The following ARL9 variants were observed in gnomAD, a reference collection of about 807,000 sequenced individuals.
ARL9 encodes the protein ADP-ribosylation factor-like protein 9.
Under a neutral mutation model 27.0 loss-of-function variants are expected in ARL9, and 14 were observed. The observed-to-expected ratio is 0.52, with a 90% CI of 0.34 to 0.81. The LOEUF is 0.81. Ranked by LOEUF, ARL9 falls within the 30% of genes least tolerant of loss-of-function variation. The pLI is 0.01. For missense variants in ARL9, 294 were observed against 290.0 expected (o/e 1.01, Z -0.10); for synonymous variants, 106 against 108.7 (o/e 0.98, Z 0.15).
At chr4:56,521,737 T>G (rs1396360125) in intron 3 of ARL9, among the ~76,000 whole-genome samples, 1 of 152,248 alleles carries the variant, frequency 6.6e-6, no homozygotes, top group Non-Finnish European at 1.5e-5. Context: ...TGAACATTTT[T>G]TCAGATGTTT....
At chr4:56,519,554 G>A (rs182171866) in intron 3 of ARL9, among the ~76,000 whole-genome samples, 213 of 151,850 alleles carry the variant, frequency 1.4e-3, no homozygotes, top group African/African-American at 4.2e-3. Context: ...AGATTGCAGC[G>A]AACCAAGATC....
chr4:56,514,058 C>G (rs1189335736), intron 2 of ARL9, among the ~76,000 whole-genome samples: 1 of 152,122 alleles, frequency 6.6e-6, no homozygotes, highest in Non-Finnish European at 1.5e-5. Flanking sequence ...GTAGTCCCAG[C>G]TACTCTGGAG....
chr4:56,512,210 T>A (rs1052622270), intron 2 of ARL9, among the ~76,000 whole-genome samples: 4 of 152,264 alleles, frequency 2.6e-5, no homozygotes, highest in Non-Finnish European at 4.4e-5. Flanking sequence ...GTCACCTTTT[T>A]ACTTTGGCTT....
At chr4:56,521,540 G>A (rs4391105) in intron 3 of ARL9, among the ~76,000 whole-genome samples, 20,940 of 152,036 alleles carry the variant, frequency 0.14, 1,879 homozygotes, top group East Asian at 0.24. Context: ...GTTTTATTAG[G>A]TATCACCAAG....
chr4:56,514,328 G>C (rs951172546), intron 2 of ARL9, among the ~76,000 whole-genome samples: 1 of 152,188 alleles, frequency 6.6e-6, no homozygotes, highest in African/African-American at 2.4e-5. Context: ...AAAGAGGGTA[G>C]AGGGGGAGAT....
At position 56,524,367 on chromosome 4, in the gene ARL9, G is replaced by A. The variant is rs2110159460; in HGVS notation, c.*491G>A. 1 of 152,734 alleles carries A rather than the reference G, an allele frequency of 6.5e-6. No homozygotes were observed. Among genetic ancestry groups the A allele is most frequent in the South Asian group, 2.1e-4 (1 of 4,830 alleles). 9.5% of individuals were successfully genotyped at this position (152,734 alleles called of 1,614,324 possible). A position where few individuals can be genotyped will look rare whatever the true frequency, so the allele number is the denominator to read the frequency against. ...TAACATAATAACAGCATCTCTATTT[G>A]GATTTTGAATGTTAAAAATATTTGT... On this transcript the variant is annotated 3_prime_UTR_variant, in exon 4 of 4. Coordinates refer to ENST00000640821, the MANE Select transcript of ARL9 (RefSeq NM_001363794.2).
chr4:56,509,021 G>A (rs963519878), intron 1 of ARL9, among the ~76,000 whole-genome samples: 4 of 152,052 alleles, frequency 2.6e-5, no homozygotes, highest in African/African-American at 7.2e-5. Context: ...ATTCCTATGA[G>A]CAGTCTGGCT....
In ARL9 at chr4:56,511,278, G is replaced by A. The variant is rs1359448791; in HGVS notation, c.373G>A (p.Val125Met). The A allele has an allele frequency of 6.2e-7, 1 of 1,613,892 alleles. No individual in the cohort carries two copies. The highest frequency in any genetic ancestry group is 8.5e-7 in the Non-Finnish European group (1 of 1,179,834). The change falls in exon 2 of 4, where the codon GTG becomes ATG. Residue 125 changes from valine to methionine, a missense_variant. Transcript: ENST00000640821. Reference protein sequence around the residue: ...SLASNRVQHSVAPTQGFHAVC... With the variant: ...SLASNRVQHSMAPTQGFHAVC... ...AGCTTCAAACAGAGTCCAGCACAGT[G>A]TGGCACCCACCCAAGGTTTCCATGC...
chr4:56,507,110 T>C (rs1377428636), intron 1 of ARL9, among the ~76,000 whole-genome samples: 1 of 151,826 alleles, frequency 6.6e-6, no homozygotes, highest in Non-Finnish European at 1.5e-5. Context: ...ATTTGATCTC[T>C]GGTAAAACAC....
intron 1 of ARL9, among the ~76,000 whole-genome samples, chr4:56,510,141 C>T (rs1050618490): frequency 2.0e-5 from 3 of 151,414 alleles, no homozygotes; most frequent in Non-Finnish European, 4.4e-5. Flanking sequence ...GGGCAGATCA[C>T]GAGGTCAGGA....
rs377199252 is a variant in ARL9, at chr4:56,523,678, T to C, written c.619-19T>C. ...AAAATAACCAACTTTGTCCTATTCT[T>C]ATTCCACTCCGGATGAAGGATCTTG... On this transcript the variant is annotated intron_variant, in intron 3 of 3. Transcript: ENST00000640821. The C allele has an allele frequency of 1.7e-5, 28 of 1,601,060 alleles. No individual in the cohort carries two copies. The African/African-American group carries it at 2.7e-4, about 15-fold the overall frequency.
intron 1 of ARL9, among the ~76,000 whole-genome samples, chr4:56,507,869 G>T (rs796479181): frequency 5.3e-5 from 8 of 151,502 alleles, no homozygotes; most frequent in African/African-American, 1.9e-4. Context: ...CCAGCTACTC[G>T]GGAGGCTGAG....
chr4:56,522,703 A>T (rs1721957520), intron 3 of ARL9, among the ~76,000 whole-genome samples: 1 of 152,218 alleles, frequency 6.6e-6, no homozygotes, highest in African/African-American at 2.4e-5. Flanking sequence ...TGCCATTTCC[A>T]TCGTAAGGAG....
intron 1 of ARL9, 64 bp from the exon 2 acceptor site, chr4:56,511,121 C>A: frequency 7.1e-7 from 1 of 1,403,562 alleles, no homozygotes; most frequent in Non-Finnish European, 9.4e-7. Context: ...TTGGATTCTG[C>A]CAAGACCCAG....
chr4:56,508,449 C>G (rs1721530334), intron 1 of ARL9, among the ~76,000 whole-genome samples: 2 of 151,998 alleles, frequency 1.3e-5, no homozygotes, highest in African/African-American at 4.8e-5. Flanking sequence ...ATGGCGCGAT[C>G]TCAGCTCATT....
chr4:56,506,789 TGTGTG>T (rs1560694834), intron 1 of ARL9: 1,959 of 153,290 alleles, frequency 0.013, 80 homozygotes, highest in African/African-American at 0.047. Context: ...AACACAGTTG[TGTGTG>T]TGTGTGTGTG....
upstream of ARL9, chr4:56,505,566 C>A: frequency 1.7e-6 from 1 of 585,738 alleles, no homozygotes; most frequent in Non-Finnish European, 3.2e-6. Flanking sequence ...CGAACTGTCC[C>A]ACGTCCTGGT....
chr4:56,521,883 T>C (rs1721929893), intron 3 of ARL9, among the ~76,000 whole-genome samples: 1 of 152,196 alleles, frequency 6.6e-6, no homozygotes, highest in Non-Finnish European at 1.5e-5. Context: ...TTATGTGCAT[T>C]ACAATTATCT....
At position 56,512,170 on chromosome 4, in the gene ARL9, C is replaced by G. The variant is rs575577621; in HGVS notation, c.442+823C>G. Among the ~76,000 whole-genome samples, 4 of 152,328 alleles carry G rather than the reference C, an allele frequency of 2.6e-5. No individual in the cohort carries two copies. The South Asian group carries it at 8.3e-4, about 32-fold the overall frequency. On this transcript the variant is annotated intron_variant, in intron 2 of 3. Transcript: ENST00000640821. ...TGTACTGCCCCTATGCAAGTCGGAA[C>G]CTCCATCATCTATTACTTAGATTAT...
Sources: gnomAD v4.1 joint callset for allele counts (sites outside exome capture counted in the v4.1 genomes callset) on GRCh38, gnomAD v4.1.1 for gene constraint, MANE v1.5 for transcripts, NCBI Gene and HGNC (gene_info 2026-07-23, HGNC 2026-07-21) for gene names.